MLIP: variants seen among roughly 807,000 people sequenced by gnomAD.
MLIP encodes muscular LMNA-interacting protein.
MLIP carries 79 observed loss-of-function variants against 84.8 expected under a neutral mutation model. The ratio of observed to expected loss-of-function variants is 0.93; its 90% CI spans 0.78 to 1.12. The LOEUF (loss-of-function observed/expected upper bound fraction) is 1.12, where lower values mean the gene tolerates loss of function less well. Among genes scored for constraint, MLIP ranks in the 50% most tolerant of loss-of-function variants. The probability of loss-of-function intolerance (pLI) is 0.00; values close to 1 mark genes in which losing one functional copy is unlikely to be tolerated. For missense variants in MLIP, 1,257 were observed against 1,160.6 expected, an observed-to-expected ratio of 1.08 and a Z score of -1.21; for synonymous variants, 504 against 463.0, an observed-to-expected ratio of 1.09 and a Z score of -1.14.
At chr6:54,095,028 T>C (rs1768115082) in intron 1 of MLIP, among the ~76,000 whole-genome samples, 1 of 152,182 alleles carries the variant, frequency 6.6e-6, no homozygotes, top group African/African-American at 2.4e-5. Flanking sequence ...TTCTGTAGAT[T>C]GTGTGTCAAC....
chr6:54,131,535 C>T (rs1288318979), intron 3 of MLIP, among the ~76,000 whole-genome samples: 4 of 152,004 alleles, frequency 2.6e-5, no homozygotes, highest in South Asian at 2.1e-4. Flanking sequence ...AGCAAGTAAC[C>T]GTTTCCACCC....
intron 8 of MLIP, among the ~76,000 whole-genome samples, chr6:54,164,511 T>C (rs563505702): frequency 1.3e-5 from 2 of 152,052 alleles, no homozygotes; most frequent in East Asian, 3.9e-4. Context: ...ATCCTTTTAG[T>C]TTACAGCTCT....
At chr6:54,036,601 A>C (rs62397362) in intron 1 of MLIP, among the ~76,000 whole-genome samples, 14,129 of 152,086 alleles carry the variant, frequency 0.093, 686 homozygotes, top group South Asian at 0.12. Context: ...TGTTGTAGAC[A>C]ATGTGGCAAA....
rs9382284 is a variant in MLIP, at chr6:54,085,045, G to T, written c.64-36402G>T. ...GAAATCTACTGTGTTCACCCTGCAGGTAGTTTTTCACTAGGAATTGCATCC... is the reference window on the plus strand; with the variant it reads ...GAAATCTACTGTGTTCACCCTGCAGTTAGTTTTTCACTAGGAATTGCATCC... On this transcript the variant is annotated intron_variant, in intron 1 of 12. Transcript: ENST00000274897. Among the ~76,000 whole-genome samples the T allele has an allele frequency of 3.7e-3, 567 of 152,292 alleles. 11 individuals carry two copies. The highest frequency in any genetic ancestry group is 0.027 in the Admixed American group (413 of 15,284).
rs1211180154 is a variant in MLIP at position 54,064,797 on chromosome 6, G to A, written c.63+45706G>A. Among the ~76,000 whole-genome samples, 2 of 98,608 alleles carry A rather than the reference G, an allele frequency of 2.0e-5. 1 individual carries two copies. The highest frequency in any genetic ancestry group is 5.8e-5 in the Non-Finnish European group (2 of 34,498). The allele number at this position is 98,608 out of a possible 152,430, so 64.7% of individuals were successfully genotyped here. A position where few individuals can be genotyped will look rare whatever the true frequency, so the allele number is the denominator to read the frequency against. On this transcript the variant is annotated intron_variant, in intron 1 of 12. Coordinates refer to the MLIP transcript ENST00000274897. ...GGGGGTCTCCCTATATATAATATAT[G>A]TATTCACAATATATATGAATATATA...
At chr6:54,028,207 G>T (rs1489974566) in intron 1 of MLIP, among the ~76,000 whole-genome samples, 1 of 152,014 alleles carries the variant, frequency 6.6e-6, no homozygotes, top group Non-Finnish European at 1.5e-5. Context: ...ATTTCTCAAG[G>T]GTCCTTTTAT....
intron 1 of MLIP, among the ~76,000 whole-genome samples, chr6:54,098,542 G>A (rs990659876): frequency 6.6e-6 from 1 of 151,766 alleles, no homozygotes; most frequent in Non-Finnish European, 1.5e-5. Flanking sequence ...TGTCAGGGAG[G>A]AGAAAGACTT....
At chr6:54,242,298 C>T (rs1048100277) in intron 12 of MLIP, among the ~76,000 whole-genome samples, 6 of 152,096 alleles carry the variant, frequency 3.9e-5, no homozygotes, top group African/African-American at 1.4e-4. Context: ...GTTGACTTTC[C>T]TTGTTCATTT....
chr6:54,095,590 G>A (rs1299406323), intron 1 of MLIP, among the ~76,000 whole-genome samples: 1 of 152,008 alleles, frequency 6.6e-6, no homozygotes, highest in Non-Finnish European at 1.5e-5. Flanking sequence ...AGTGATTGGG[G>A]TAAAAAAGAA....
intron 1 of MLIP, among the ~76,000 whole-genome samples, chr6:54,056,958 A>C (rs1002939176): frequency 6.6e-6 from 1 of 152,314 alleles, no homozygotes; most frequent in African/African-American, 2.4e-5. Flanking sequence ...AAATGAGAAA[A>C]GTAAGTCACA....
intron 12 of MLIP, among the ~76,000 whole-genome samples, chr6:54,249,226 AG>A: frequency 6.6e-6 from 1 of 152,206 alleles, no homozygotes; most frequent in African/African-American, 2.4e-5. Flanking sequence ...TCATCTATTT[AG>A]GGCCCAGACT....
intron 1 of MLIP, among the ~76,000 whole-genome samples, chr6:54,078,270 G>T (rs901906153): frequency 6.6e-6 from 1 of 152,112 alleles, no homozygotes; most frequent in Admixed American, 6.5e-5. Flanking sequence ...TCTAGCACTC[G>T]TTAAGAGTTT....
At position 54,062,349 on chromosome 6, in the gene MLIP, T is replaced by C. The variant is rs80190992; in HGVS notation, c.63+43258T>C. Reference sequence around the variant, plus strand: ...CTGTTTTCAAGTTCTGACAAAGCTTTCTGTAATATGTTGTTTGAATTCATC... The same window carrying C: ...CTGTTTTCAAGTTCTGACAAAGCTTCCTGTAATATGTTGTTTGAATTCATC... On this transcript the variant is annotated intron_variant, in intron 1 of 12. Coordinates refer to the MLIP transcript ENST00000274897. 5.3e-3 allele frequency among the ~76,000 whole-genome samples: 814 copies of C among 152,320 alleles called. 19 individuals are homozygous for C. Among genetic ancestry groups the C allele is most frequent in the East Asian group, 0.048 (250 of 5,194 alleles).
At chr6:54,041,722 T>C (rs1484548893) in intron 1 of MLIP, among the ~76,000 whole-genome samples, 1 of 152,150 alleles carries the variant, frequency 6.6e-6, no homozygotes, top group Non-Finnish European at 1.5e-5. Context: ...TTGTATATCA[T>C]TGCTTAAGTA....
At chr6:54,092,226 A>T (rs1297888242) in intron 1 of MLIP, among the ~76,000 whole-genome samples, 1 of 152,172 alleles carries the variant, frequency 6.6e-6, no homozygotes, top group Non-Finnish European at 1.5e-5. Context: ...GGGCTTCCAG[A>T]TTTAAATGGA....
chr6:54,054,036 G>A (rs1246882715), intron 1 of MLIP, among the ~76,000 whole-genome samples: 1 of 152,184 alleles, frequency 6.6e-6, no homozygotes, highest in African/African-American at 2.4e-5. Context: ...TGAGCCACAA[G>A]GGAGAAATGT....
chr6:54,021,411 C>T (rs1763492628), intron 1 of MLIP, among the ~76,000 whole-genome samples: 2 of 152,060 alleles, frequency 1.3e-5, no homozygotes, highest in Non-Finnish European at 2.9e-5. Context: ...GTATGTGTCA[C>T]GCACTTAAGC....
intron 12 of MLIP, among the ~76,000 whole-genome samples, chr6:54,239,711 C>T (rs1781604762): frequency 1.3e-5 from 2 of 151,620 alleles, no homozygotes; most frequent in Non-Finnish European, 2.9e-5. Flanking sequence ...CACTTGAACC[C>T]AGGAGGTGGA....
At chr6:54,117,900 G>A (rs1281302030) in intron 1 of MLIP, among the ~76,000 whole-genome samples, 3 of 151,990 alleles carry the variant, frequency 2.0e-5, no homozygotes, top group African/African-American at 4.8e-5. Flanking sequence ...AGCCGAGATC[G>A]TGCCACTGCA....
Sources: allele counts gnomAD v4.1 joint callset (sites outside exome capture counted in the v4.1 genomes callset), GRCh38; gene constraint gnomAD v4.1.1; transcripts MANE v1.5; gene names NCBI Gene and HGNC (gene_info 2026-07-23, HGNC 2026-07-21).